NAAA: variants seen among roughly 807,000 people sequenced by gnomAD.
NAAA encodes the protein N-acylethanolamine-hydrolyzing acid amidase.
NAAA carries 39 observed loss-of-function variants against 44.8 expected under a neutral mutation model. The observed-to-expected ratio is 0.87, with a 90% confidence interval of 0.67 to 1.14. The LOEUF is 1.14. Among genes scored for constraint, NAAA ranks in the 50% most tolerant of loss-of-function variants. The pLI, the probability that NAAA is intolerant of heterozygous loss-of-function variation, is 0.00. For missense variants in NAAA, 460 were observed against 467.8 expected (o/e 0.98, Z 0.15); for synonymous variants, 178 against 191.3 (o/e 0.93, Z 0.58).
chr4:75,926,052 G>C (rs3733234), intron 4 of NAAA, among the ~76,000 whole-genome samples: 46,106 of 151,784 alleles, frequency 0.3, 7,078 homozygotes, highest in East Asian at 0.43. Flanking sequence ...GAAGAACATA[G>C]AGAACTTGAG....
intron 7 of NAAA, among the ~76,000 whole-genome samples, chr4:75,920,503 TCTAG>T (rs1234298282): frequency 2.0e-5 from 3 of 152,094 alleles, no homozygotes; most frequent in Non-Finnish European, 4.4e-5. Flanking sequence ...GGTGGTGGGC[TCTAG>T]GGCTCCTGAC....
chr4:75,927,401 C>A (rs1030230243), intron 4 of NAAA, among the ~76,000 whole-genome samples: 1 of 151,680 alleles, frequency 6.6e-6, no homozygotes, highest in African/African-American at 2.4e-5. Context: ...GCCAAGATCC[C>A]GCCACTGTAC....
chr4:75,911,609 T>G (rs1431677032), downstream of NAAA, among the ~76,000 whole-genome samples: 1 of 152,176 alleles, frequency 6.6e-6, no homozygotes, highest in Non-Finnish European at 1.5e-5. Context: ...ACAGGACTAG[T>G]TGACTCATGG....
At chr4:75,932,953 G>A (rs1039299127) in intron 3 of NAAA, among the ~76,000 whole-genome samples, 5 of 152,036 alleles carry the variant, frequency 3.3e-5, no homozygotes, top group Non-Finnish European at 4.4e-5. Context: ...TGGCCAACAC[G>A]GTGAAACTCC....
intron 4 of NAAA, among the ~76,000 whole-genome samples, chr4:75,928,613 TG>T (rs1471784529): frequency 6.6e-6 from 1 of 151,662 alleles, no homozygotes; most frequent in Non-Finnish European, 1.5e-5. Flanking sequence ...GACGTCAGAG[TG>T]GAGATGCTGA....
intron 3 of NAAA, 52 bp from the exon 4 acceptor site, chr4:75,931,356 G>A (rs774997219): frequency 1.5e-6 from 2 of 1,353,712 alleles, no homozygotes; most frequent in Admixed American, 3.4e-5. Flanking sequence ...CAAATACACT[G>A]AAATCACCTG....
At position 75,931,262 on chromosome 4, in the gene NAAA, A is replaced by C; in HGVS notation, c.541T>G (p.Trp181Gly). The C allele has an allele frequency of 6.2e-7, 1 of 1,612,886 alleles. No homozygotes were observed. Among genetic ancestry groups the C allele is most frequent in the Non-Finnish European group, 8.5e-7 (1 of 1,178,964 alleles). ...GTTFIGYVGLWTGQSPHKFTV... is the reference protein window; with the variant it reads ...GTTFIGYVGLGTGQSPHKFTV... ...AACTTGTGTGGGCTCTGGCCAGTCC[A>C]TAATCCTACATAGCCAATAAAAGTA... Residue 181 changes from tryptophan (W) to glycine (G), a missense_variant, in exon 4 of 11, where the codon TGG becomes GGG. By Grantham distance (184) the Trp-to-Gly change is radical. Transcript: ENST00000286733.
chr4:75,934,482 ATTTT>A (rs373578792), intron 3 of NAAA, among the ~76,000 whole-genome samples: 1 of 135,592 alleles, frequency 7.4e-6, no homozygotes, highest in Non-Finnish European at 1.6e-5. Flanking sequence ...CGCCCAGCTA[ATTTT>A]TTTTTTTTTT....
In NAAA at chr4:75,919,993, G is replaced by A. The variant is rs938071808; in HGVS notation, c.903-18C>T. The A allele has an allele frequency of 1.7e-5, 27 of 1,610,394 alleles. No homozygotes were observed. Among genetic ancestry groups the A allele is most frequent in the Middle Eastern group, 1.7e-4 (1 of 6,054 alleles). ...CAGATGTTCTGTAAGGACAAAGGTC[G>A]AAGGTCACTTGGCATTTCAACAAGC... On this transcript the variant is annotated intron_variant, in intron 7 of 10. Transcript: ENST00000286733.
intron 5 of NAAA, among the ~76,000 whole-genome samples, chr4:75,925,447 C>T (rs549215882): frequency 6.6e-6 from 1 of 152,178 alleles, no homozygotes; most frequent in Non-Finnish European, 1.5e-5. Flanking sequence ...GTTCCCTCAC[C>T]TTTTAAAATA....
chr4:75,913,649 A>G (rs1725422969), downstream of NAAA: 1 of 976,246 alleles, frequency 1.0e-6, no homozygotes, highest in Non-Finnish European at 1.2e-6. Context: ...CAGGGAGAGC[A>G]TAACGCTAAG....
chr4:75,921,472 A>G (rs946290193), intron 5 of NAAA, among the ~76,000 whole-genome samples: 1 of 152,196 alleles, frequency 6.6e-6, no homozygotes, highest in Non-Finnish European at 1.5e-5. Context: ...TTTCTTGAAT[A>G]TCTACACTGT....
chr4:75,920,790 C>T lies in NAAA; in HGVS notation c.850G>A (p.Val284Ile). 1.2e-6 allele frequency: 2 copies of T among 1,614,212 alleles called. No individual in the cohort carries two copies. The highest frequency in any genetic ancestry group is 1.7e-6 in the Non-Finnish European group (2 of 1,180,024). Reference sequence around the variant, plus strand: ...TTCCAGTGGTCGTAATTTGTCTCAACTCGGAACCACCTACAACAGAGCACA... The same window carrying T: ...TTCCAGTGGTCGTAATTTGTCTCAATTCGGAACCACCTACAACAGAGCACA... ...LDPLNGAWFRVETNYDHWKPA... is the reference protein window; with the variant it reads ...LDPLNGAWFRIETNYDHWKPA... Residue 284 changes from valine to isoleucine, a missense_variant, in exon 7 of 11, where the codon GTT becomes ATT. Val to Ile is a conservative substitution (Grantham distance 29, BLOSUM62 3). Coordinates refer to ENST00000286733, the MANE Select transcript of NAAA (RefSeq NM_014435.4).
intron 4 of NAAA, among the ~76,000 whole-genome samples, chr4:75,926,615 T>C (rs1301788857): frequency 1.4e-5 from 2 of 146,266 alleles, no homozygotes; most frequent in Non-Finnish European, 3.0e-5. Flanking sequence ...AATTCACAGA[T>C]TGAGAGAAAA....
At chr4:75,934,064 A>G (rs62318884) in intron 3 of NAAA, among the ~76,000 whole-genome samples, 14 of 30,604 alleles carry the variant, frequency 4.6e-4, no homozygotes, top group African/African-American at 1.9e-3. Context: ...AATAATAATA[A>G]TAATAATAAT....
At chr4:75,930,828 G>T (rs1727164799) in intron 4 of NAAA, among the ~76,000 whole-genome samples, 3 of 151,946 alleles carry the variant, frequency 2.0e-5, no homozygotes, top group Admixed American at 6.6e-5. Flanking sequence ...ACTTTCTTTG[G>T]CTTCTGAAAT....
chr4:75,926,560 C>CAAA (rs56212846), intron 4 of NAAA, among the ~76,000 whole-genome samples: 21,189 of 69,966 alleles, frequency 0.3, 2,664 homozygotes, highest in East Asian at 0.43. Flanking sequence ...GACTCTGTCT[C>CAAA]AAAAAAAAAA....
intron 3 of NAAA, among the ~76,000 whole-genome samples, chr4:75,933,722 C>T (rs1359173970): frequency 6.6e-6 from 1 of 152,052 alleles, no homozygotes; most frequent in South Asian, 2.1e-4. Context: ...ATAAACAAAC[C>T]CTTAGCAGGG....
chr4:75,911,070 G>A (rs898467276), downstream of NAAA, among the ~76,000 whole-genome samples: 30 of 151,966 alleles, frequency 2.0e-4, no homozygotes, highest in African/African-American at 2.2e-4. Context: ...AGGGTGTATC[G>A]TACAAAGTAC....
Sources: gnomAD v4.1 joint callset for allele counts (sites outside exome capture counted in the v4.1 genomes callset) on GRCh38, gnomAD v4.1.1 for gene constraint, MANE v1.5 for transcripts, NCBI Gene and HGNC (gene_info 2026-07-23, HGNC 2026-07-21) for gene names.